Variants in GALNT16 observed in about 807,000 individuals in gnomAD.
The protein encoded by GALNT16 is polypeptide N-acetylgalactosaminyltransferase 16, also known as UDP-GalNAc:polypeptide N-acetylgalactosaminyltransferase-like protein 1.
In GALNT16, 40 loss-of-function variants were observed where a neutral mutation model predicts 76.1. The observed-to-expected ratio is 0.53, with a 90% CI of 0.41 to 0.68. The LOEUF (loss-of-function observed/expected upper bound fraction) is 0.68. Among genes scored for constraint, GALNT16 ranks in the 30% least tolerant of loss-of-function variants. The pLI, the probability that GALNT16 is intolerant of heterozygous loss-of-function variation, is 0.00. For synonymous variants in GALNT16, 276 were observed against 285.2 expected (o/e 0.97, Z 0.32); for missense variants, 621 against 731.9 (o/e 0.85, Z 1.75).
the GALNT16 span, among the ~76,000 whole-genome samples, chr14:69,372,559 G>A: frequency 2.1e-5 from 3 of 143,228 alleles, no homozygotes; most frequent in Non-Finnish European, 4.5e-5. Context: ...GCAGTGATGC[G>A]ATCTCGGCTC....
Position 69,264,819 on chromosome 14 carries a change from C to CTTTT in GALNT16, c.177+4360_177+4363dup, listed in dbSNP as rs60818532. On this transcript the variant is annotated intron_variant, in intron 1 of 14. Coordinates refer to ENST00000448469, the MANE Select transcript of GALNT16 (RefSeq NM_001168368.2). ...TTTATTTTCTCTTTTCTTTTTCTTTCTTTTTTTTTTTGGACACAGGGTCTC... is the reference window on the plus strand; with the variant it reads ...TTTATTTTCTCTTTTCTTTTTCTTTCTTTTTTTTTTTTTTTGGACACAGGGTCTC... Among the ~76,000 whole-genome samples the CTTTT allele has an allele frequency of 8.3e-5, 8 of 96,600 alleles. 2 individuals are homozygous for CTTTT. The highest frequency in any genetic ancestry group is 1.5e-4 in the African/African-American group (3 of 19,446). The allele number at this position is 96,600 out of a possible 152,430, so 63.4% of individuals were successfully genotyped here. A position where few individuals can be genotyped will look rare whatever the true frequency, so the allele number is the denominator to read the frequency against.
chr14:69,305,072 C>T (rs982183520), intron 1 of GALNT16, among the ~76,000 whole-genome samples: 1 of 150,066 alleles, frequency 6.7e-6, no homozygotes, highest in Non-Finnish European at 1.5e-5. Context: ...TGCGCCATTT[C>T]ACATTCCCAC....
chr14:69,271,335 A>G (rs1447507687), intron 1 of GALNT16, among the ~76,000 whole-genome samples: 1 of 152,254 alleles, frequency 6.6e-6, no homozygotes, highest in East Asian at 1.9e-4. Flanking sequence ...TTGGGAGATC[A>G]GAAGGCCAGC....
At position 69,324,761 on chromosome 14, in the gene GALNT16, C is replaced by T. The variant is rs1355683585; in HGVS notation, c.405C>T (p.Ala135=). The T allele has an allele frequency of 2.5e-6, 4 of 1,612,682 alleles. No individual in the cohort carries two copies. The South Asian group carries it at 4.4e-5, about 18-fold the overall frequency. The change falls in exon 3 of 15, where the codon GCC becomes GCT. Residue 135 remains alanine (A), a synonymous_variant. Coordinates refer to ENST00000448469, the MANE Select transcript of GALNT16 (RefSeq NM_001168368.2). ...TCATCATCACCTTCCACAATGAGGC[C>T]CGTTCCACCCTGCTGCGCACAGTGA... The part of the protein sequence containing the change: ...TSVIITFHNE[A]RSTLLRTVKS...
At chr14:69,311,924 C>CA (rs2045026086) in intron 1 of GALNT16, among the ~76,000 whole-genome samples, 1 of 151,686 alleles carries the variant, frequency 6.6e-6, no homozygotes, top group Admixed American at 6.6e-5. Context: ...TATGTTGGGG[C>CA]AGGGGTGGTG....
Position 69,320,564 on chromosome 14 carries a change from G to C in GALNT16, c.178-147G>C, listed in dbSNP as rs2045164415. On this transcript the variant is annotated intron_variant, in intron 1 of 14. Coordinates refer to ENST00000448469, the MANE Select transcript of GALNT16 (RefSeq NM_001168368.2). Reference sequence around the variant, plus strand: ...CCTCAGTTTTCTCTTCTGTACAGTGGGGGAGATAATGGTCTCCTCCTCATA... The same window carrying C: ...CCTCAGTTTTCTCTTCTGTACAGTGCGGGAGATAATGGTCTCCTCCTCATA... 6.3e-6 allele frequency: 4 copies of C among 636,624 alleles called. No homozygotes were observed. In the East Asian group the frequency reaches 1.1e-4, roughly 17 times the overall value. 39.4% of individuals were successfully genotyped at this position (636,624 alleles called of 1,614,324 possible).
Position 69,331,561 on chromosome 14 carries a change from GC to G in GALNT16, c.778+11del. 1 of 1,525,906 alleles carries G rather than the reference GC, an allele frequency of 6.6e-7. No individual in the cohort carries two copies. Among genetic ancestry groups the G allele is most frequent in the Non-Finnish European group, 9.1e-7 (1 of 1,099,612 alleles). The allele number at this position is 1,525,906 out of a possible 1,614,324, so 94.5% of individuals were successfully genotyped here. A position where few individuals can be genotyped will look rare whatever the true frequency, so the allele number is the denominator to read the frequency against. On this transcript the variant is annotated intron_variant, in intron 7 of 14. Coordinates refer to ENST00000448469, the MANE Select transcript of GALNT16 (RefSeq NM_001168368.2). ...GCTGACCTTCGTGGAGGTGAGTTCT[GC>G]TCCCGGGGGTGGGGCTGTAGACATG...
At chr14:69,360,866 G>C (rs1405744912), downstream of GALNT16, among the ~76,000 whole-genome samples, 1 of 152,216 alleles carries the variant, frequency 6.6e-6, no homozygotes, top group Non-Finnish European at 1.5e-5. Flanking sequence ...TCCCCTGACG[G>C]GGCCACGTGT....
intron 1 of GALNT16, among the ~76,000 whole-genome samples, chr14:69,266,667 C>T (rs547842120): frequency 6.6e-6 from 1 of 152,184 alleles, no homozygotes; most frequent in Admixed American, 6.5e-5. Context: ...CAGGGTTTCT[C>T]TCCACACTCC....
intron 1 of GALNT16, among the ~76,000 whole-genome samples, chr14:69,309,324 A>G (rs962756067): frequency 5.5e-5 from 8 of 145,432 alleles, no homozygotes; most frequent in South Asian, 2.1e-4. Flanking sequence ...TTTATTTGAG[A>G]CAGGGTCTCA....
rs1321884959 is a variant in GALNT16, at chr14:69,279,805, C to T, written c.177+19338C>T. On this transcript the variant is annotated intron_variant, in intron 1 of 14. Transcript: ENST00000448469. ...CCAATTCCATCTTGTAGGGTCATCT[C>T]ATGGGATTGTAGCCTGAATGGAGGG... 2.0e-5 allele frequency among the ~76,000 whole-genome samples: 3 copies of T among 152,222 alleles called. No individual in the cohort carries two copies. The East Asian group carries it at 5.8e-4, about 29-fold the overall frequency.
rs748753438 is a variant in GALNT16 at position 69,325,288 on chromosome 14, A to G, written c.435-49A>G. 4.3e-5 allele frequency: 50 copies of G among 1,166,510 alleles called. 5 individuals are homozygous for G. The South Asian group carries it at 6.1e-4, about 14-fold the overall frequency. The allele number at this position is 1,166,510 out of a possible 1,614,324, so 72.3% of individuals were successfully genotyped here. A position where few individuals can be genotyped will look rare whatever the true frequency, so the allele number is the denominator to read the frequency against. ...CGGCCCCGGGAGTGGTAAAAATGGG[A>G]GGTGGTTCCTAAATCCAGGCTCTTT... On this transcript the variant is annotated intron_variant, in intron 3 of 14. Coordinates refer to ENST00000448469, the MANE Select transcript of GALNT16 (RefSeq NM_001168368.2).
chr14:69,314,014 G>A (rs1455337278), intron 1 of GALNT16, among the ~76,000 whole-genome samples: 1 of 152,214 alleles, frequency 6.6e-6, no homozygotes, highest in Non-Finnish European at 1.5e-5. Flanking sequence ...CATTGGAACT[G>A]CCTGGAGAGC....
In GALNT16 at chr14:69,352,382, C is replaced by T. The variant is rs916969093; in HGVS notation, c.*214C>T. The T allele has an allele frequency of 1.8e-6, 1 of 553,346 alleles. No individual in the cohort carries two copies. Among genetic ancestry groups the T allele is most frequent in the South Asian group, 2.4e-5 (1 of 41,256 alleles). The allele number at this position is 553,346 out of a possible 1,614,324, so 34.3% of individuals were successfully genotyped here. On this transcript the variant is annotated 3_prime_UTR_variant, in exon 15 of 15. Transcript: ENST00000448469. The stretch of plus-strand genomic sequence containing the variant: ...CCCTCAGTGCTGTCCTGGCCTTGCC[C>T]CGGGAGAGGAGATGGTCAGGGTGCT...
intron 1 of GALNT16, among the ~76,000 whole-genome samples, chr14:69,315,097 T>G (rs978907125): frequency 6.6e-6 from 1 of 152,234 alleles, no homozygotes; most frequent in African/African-American, 2.4e-5. Context: ...CCTTTCTTAT[T>G]TTAAACCTTC....
intron 1 of GALNT16, among the ~76,000 whole-genome samples, chr14:69,286,172 C>G (rs531124866): frequency 3.3e-5 from 5 of 152,072 alleles, no homozygotes; most frequent in Admixed American, 6.5e-5. Flanking sequence ...GGGTAGGGCA[C>G]GCGGGACAAG....
the GALNT16 span, among the ~76,000 whole-genome samples, chr14:69,386,221 G>A: frequency 1.3e-5 from 2 of 152,224 alleles, no homozygotes; most frequent in African/African-American, 2.4e-5. Context: ...CACATTCCAT[G>A]ATTGGCTCCA....
At chr14:69,344,174 C>T (rs2045531855) in intron 12 of GALNT16, among the ~76,000 whole-genome samples, 5 of 152,218 alleles carry the variant, frequency 3.3e-5, no homozygotes, top group Non-Finnish European at 7.3e-5. Context: ...CTTTTGCTTT[C>T]CTAGGCCTGC....
At chr14:69,281,066 A>T (rs2044535072) in intron 1 of GALNT16, among the ~76,000 whole-genome samples, 1 of 149,942 alleles carries the variant, frequency 6.7e-6, no homozygotes, top group Admixed American at 6.7e-5. Flanking sequence ...GCACCAACCC[A>T]ACTGTGCTAC....
Sources: gnomAD v4.1 joint callset for allele counts (sites outside exome capture counted in the v4.1 genomes callset) on GRCh38, gnomAD v4.1.1 for gene constraint, MANE v1.5 for transcripts, NCBI Gene and HGNC (gene_info 2026-07-23, HGNC 2026-07-21) for gene names.